Variants in TXLNB observed in about 807,000 individuals in gnomAD.
TXLNB encodes the protein beta-taxilin.
TXLNB carries 37 observed loss-of-function variants against 57.4 expected under a neutral mutation model. That is an observed-to-expected ratio of 0.64 (90% CI 0.50 to 0.85). The LOEUF (loss-of-function observed/expected upper bound fraction) is 0.85, where lower values mean the gene tolerates loss of function less well. Ranked by LOEUF, TXLNB falls within the 40% of genes least tolerant of loss-of-function variation. The pLI, the probability that TXLNB is intolerant of heterozygous loss-of-function variation, is 0.00. For synonymous variants in TXLNB, 302 were observed against 309.6 expected (o/e 0.98, Z 0.26); for missense variants, 848 against 825.6 (o/e 1.03, Z -0.33).
At chr6:139,199,890 C>G in the TXLNB span, 1 of 152,134 alleles carries the variant, frequency 6.6e-6, no homozygotes, top group Non-Finnish European at 1.5e-5. Context: ...AATTTTAAGA[C>G]TTTAATGGGA....
At chr6:139,203,358 AC>A in the TXLNB span, among the ~76,000 whole-genome samples, 3 of 152,118 alleles carry the variant, frequency 2.0e-5, no homozygotes, top group Non-Finnish European at 2.9e-5. Context: ...TTAGTGCTTC[AC>A]CTACTGCAAT....
At chr6:139,179,842 A>G in the TXLNB span, 1 of 152,242 alleles carries the variant, frequency 6.6e-6, no homozygotes, top group Non-Finnish European at 1.5e-5. Context: ...TCTGATGAAT[A>G]GTGTTCAGTA....
At chr6:139,206,451 G>A in the TXLNB span, among the ~76,000 whole-genome samples, 5 of 152,046 alleles carry the variant, frequency 3.3e-5, no homozygotes, top group Non-Finnish European at 5.9e-5. Flanking sequence ...GGCGGATCAC[G>A]AAGTCAGGAG....
the TXLNB span, among the ~76,000 whole-genome samples, chr6:139,233,430 TATAG>T: frequency 8.7e-6 from 1 of 114,608 alleles, no homozygotes; most frequent in South Asian, 3.0e-4. Context: ...TATAAATAAA[TATAG>T]ATAGATAGAT....
chr6:139,284,257 C>T (rs540116389), intron 2 of TXLNB, among the ~76,000 whole-genome samples: 6 of 145,204 alleles, frequency 4.1e-5, no homozygotes, highest in East Asian at 2.0e-4. Flanking sequence ...GGGCCGGGTG[C>T]GGTGGCTCAC....
the TXLNB span, among the ~76,000 whole-genome samples, chr6:139,207,340 TATACAA>T: frequency 1.3e-5 from 2 of 152,180 alleles, no homozygotes; most frequent in Non-Finnish European, 2.9e-5. Flanking sequence ...TCCTCAGAAC[TATACAA>T]ATACATGGAA....
At chr6:139,223,866 A>G in the TXLNB span, among the ~76,000 whole-genome samples, 1 of 151,636 alleles carries the variant, frequency 6.6e-6, no homozygotes, top group African/African-American at 2.4e-5. Flanking sequence ...AACTAGTTCA[A>G]CCATTGTGGA....
At chr6:139,321,146 C>G in the TXLNB span, among the ~76,000 whole-genome samples, 1 of 151,988 alleles carries the variant, frequency 6.6e-6, no homozygotes, top group Non-Finnish European at 1.5e-5. Flanking sequence ...AGAAGTGCCC[C>G]GGGGTTCCGT....
chr6:139,309,354 C>T, the TXLNB span, among the ~76,000 whole-genome samples: 1 of 152,232 alleles, frequency 6.6e-6, no homozygotes, highest in African/African-American at 2.4e-5. Flanking sequence ...AAATCAGTTT[C>T]TCTTGTTTGC....
At chr6:139,224,732 A>G in the TXLNB span, among the ~76,000 whole-genome samples, 7 of 152,044 alleles carry the variant, frequency 4.6e-5, no homozygotes, top group Non-Finnish European at 7.4e-5. Flanking sequence ...CCACAATTTA[A>G]ATCCTTTCCA....
intron 2 of TXLNB, among the ~76,000 whole-genome samples, chr6:139,279,386 C>A (rs1776986749): frequency 6.6e-6 from 1 of 152,156 alleles, no homozygotes; most frequent in Admixed American, 6.5e-5. Flanking sequence ...CCAGGTGCAT[C>A]AATATGCCTT....
chr6:139,206,873 C>T, the TXLNB span, among the ~76,000 whole-genome samples: 3 of 151,982 alleles, frequency 2.0e-5, no homozygotes, highest in African/African-American at 7.2e-5. Flanking sequence ...GACTTTAAAC[C>T]AACAACTGTA....
the TXLNB span, among the ~76,000 whole-genome samples, chr6:139,217,513 T>C: frequency 9.5e-4 from 144 of 152,312 alleles, no homozygotes; most frequent in Non-Finnish European, 1.7e-3. Context: ...CCAGACACTT[T>C]AGCAGGATTA....
downstream of TXLNB, among the ~76,000 whole-genome samples, chr6:139,235,421 G>A (rs1209639153): frequency 1.3e-5 from 2 of 152,160 alleles, no homozygotes; most frequent in African/African-American, 4.8e-5. Context: ...AAGACTTTGG[G>A]GGACTGTTGG....
the TXLNB span, among the ~76,000 whole-genome samples, chr6:139,202,945 C>A: frequency 4.6e-5 from 7 of 152,178 alleles, no homozygotes; most frequent in African/African-American, 1.4e-4. Context: ...TGAGTGAGAA[C>A]ACACAGTATT....
At chr6:139,162,887 A>G in the TXLNB span, among the ~76,000 whole-genome samples, 3 of 152,142 alleles carry the variant, frequency 2.0e-5, no homozygotes, top group African/African-American at 2.4e-5. Context: ...CCCTGAGCTC[A>G]TGAACATGGT....
At position 139,260,417 on chromosome 6, in the gene TXLNB, T is replaced by G. The variant is rs1377556842; in HGVS notation, c.903A>C (p.Lys301Asn). The G allele has an allele frequency of 1.2e-6, 2 of 1,614,104 alleles. No homozygotes were observed. Among genetic ancestry groups the G allele is most frequent in the South Asian group, 2.2e-5 (2 of 91,064 alleles). Residue 301 changes from lysine (K) to asparagine (N), a missense_variant, in exon 6 of 10, where the codon AAA (lysine) becomes AAC (asparagine). Transcript: ENST00000358430. ...LREEHLDKIF[K>N]HRELQQKLVD... The stretch of plus-strand genomic sequence containing the variant: ...CCAGCTTCTGCTGCAGTTCTCTGTG[T>G]TTAAATATTTTGTCCAGATGCTAAG...
At chr6:139,186,587 C>T in the TXLNB span, among the ~76,000 whole-genome samples, 3 of 152,130 alleles carry the variant, frequency 2.0e-5, no homozygotes, top group Non-Finnish European at 4.4e-5. Context: ...TAAACATGTG[C>T]CTAACCTATG....
chr6:139,263,687 C>CTTATTT (rs1054682851), intron 4 of TXLNB, among the ~76,000 whole-genome samples: 2 of 151,722 alleles, frequency 1.3e-5, no homozygotes, highest in South Asian at 2.1e-4. Flanking sequence ...GATTGTTATT[C>CTTATTT]TTTTTGAATA....
Sources: gnomAD v4.1 joint callset for allele counts (sites outside exome capture counted in the v4.1 genomes callset) on GRCh38, gnomAD v4.1.1 for gene constraint, MANE v1.5 for transcripts, NCBI Gene and HGNC (gene_info 2026-07-23, HGNC 2026-07-21) for gene names.